TMEM163: variants seen among roughly 807,000 people sequenced by gnomAD.
TMEM163 encodes the protein transmembrane protein 163.
Under a neutral mutation model 29.3 loss-of-function variants are expected in TMEM163, and 17 were observed. The ratio of observed to expected loss-of-function variants is 0.58; its 90% CI spans 0.40 to 0.87. The LOEUF is 0.87. Among genes scored for constraint, TMEM163 ranks in the 40% least tolerant of loss-of-function variants. TMEM163 has a pLI of 0.00. For synonymous variants in TMEM163, 157 were observed against 160.6 expected (o/e 0.98, Z 0.17); for missense variants, 303 against 381.5 (o/e 0.79, Z 1.71).
At chr2:134,516,344 C>T (rs1244918705) in intron 4 of TMEM163, among the ~76,000 whole-genome samples, 2 of 151,906 alleles carry the variant, frequency 1.3e-5, no homozygotes, top group East Asian at 1.9e-4. Flanking sequence ...GCAGATCACT[C>T]GTGGTCAGGA....
chr2:134,703,375 G>A (rs1361899357), intron 2 of TMEM163, among the ~76,000 whole-genome samples: 1 of 152,028 alleles, frequency 6.6e-6, no homozygotes, highest in Non-Finnish European at 1.5e-5. Flanking sequence ...AGAAGCTGAG[G>A]TTAGAAAAGA....
chr2:134,693,827 A>C (rs1051554341), intron 2 of TMEM163, among the ~76,000 whole-genome samples: 3 of 152,096 alleles, frequency 2.0e-5, no homozygotes, highest in Non-Finnish European at 2.9e-5. Flanking sequence ...GTTGGCCAGG[A>C]GAGTGGGTTT....
At chr2:134,544,661 G>A (rs1403034507) in intron 4 of TMEM163, among the ~76,000 whole-genome samples, 1 of 152,136 alleles carries the variant, frequency 6.6e-6, no homozygotes, top group African/African-American at 2.4e-5. Flanking sequence ...CGGGTGTAGT[G>A]GCACATGCCT....
chr2:134,709,189 C>T (rs941530291), intron 2 of TMEM163, among the ~76,000 whole-genome samples: 1 of 152,068 alleles, frequency 6.6e-6, no homozygotes. Flanking sequence ...TTTTTTTCCA[C>T]ATTTGTTCAT....
Position 134,458,439 on chromosome 2 carries a change from G to A in TMEM163, c.668-266C>T. 6.5e-6 allele frequency: 3 copies of A among 461,724 alleles called. No homozygotes were observed. The East Asian group carries it at 1.2e-4, about 18-fold the overall frequency. The allele number at this position is 461,724 out of a possible 1,614,324, so 28.6% of individuals were successfully genotyped here. The stretch of plus-strand genomic sequence containing the variant: ...GAACTGACGCCATATGTGGTTTATA[G>A]CTGGTCTCGCCCGTGCCCGCTAGAA... On this transcript the variant is annotated intron_variant, in intron 6 of 7. Coordinates refer to ENST00000281924, the MANE Select transcript of TMEM163 (RefSeq NM_030923.5).
intron 2 of TMEM163, among the ~76,000 whole-genome samples, chr2:134,568,452 G>A (rs1011178882): frequency 4.6e-5 from 7 of 151,926 alleles, no homozygotes; most frequent in Admixed American, 2.0e-4. Context: ...GCTTGAACCC[G>A]GGAGGTGGAG....
intron 4 of TMEM163, among the ~76,000 whole-genome samples, chr2:134,534,877 A>C (rs1260845280): frequency 6.6e-6 from 1 of 152,216 alleles, no homozygotes; most frequent in Admixed American, 6.5e-5. Flanking sequence ...TGAATCCTTG[A>C]GGAAGAAGAG....
chr2:134,559,589 G>T (rs1423194421), intron 2 of TMEM163, among the ~76,000 whole-genome samples: 2 of 152,114 alleles, frequency 1.3e-5, no homozygotes, highest in African/African-American at 4.8e-5. Context: ...TGTTAGGAAA[G>T]CAAGTGTTTG....
At chr2:134,496,235 T>C (rs1413957277) in intron 5 of TMEM163, among the ~76,000 whole-genome samples, 1 of 152,054 alleles carries the variant, frequency 6.6e-6, no homozygotes, top group Non-Finnish European at 1.5e-5. Flanking sequence ...CTAATTTTTG[T>C]ATTTTTAGTA....
At chr2:134,688,112 C>T (rs780294291) in intron 2 of TMEM163, among the ~76,000 whole-genome samples, 5 of 152,172 alleles carry the variant, frequency 3.3e-5, no homozygotes, top group Admixed American at 1.3e-4. Context: ...CTCCCCACTG[C>T]GCACCAGACA....
At chr2:134,496,197 G>A (rs1679555460) in intron 5 of TMEM163, among the ~76,000 whole-genome samples, 2 of 152,020 alleles carry the variant, frequency 1.3e-5, no homozygotes. Flanking sequence ...AAGTAGCTGG[G>A]ATTACAGGTG....
chr2:134,517,638 A>G (rs954434204), intron 4 of TMEM163, among the ~76,000 whole-genome samples: 7 of 152,064 alleles, frequency 4.6e-5, no homozygotes, highest in Non-Finnish European at 1.0e-4. Flanking sequence ...ATTAACTTGG[A>G]AAAAAAATGG....
At chr2:134,639,214 A>C (rs1288199743) in intron 2 of TMEM163, among the ~76,000 whole-genome samples, 1 of 152,252 alleles carries the variant, frequency 6.6e-6, no homozygotes, top group African/African-American at 2.4e-5. Context: ...GAAGGAGAGC[A>C]GTAAAATCAG....
At chr2:134,715,227 C>T (rs1178272568) in intron 1 of TMEM163, among the ~76,000 whole-genome samples, 1 of 152,108 alleles carries the variant, frequency 6.6e-6, no homozygotes, top group African/African-American at 2.4e-5. Context: ...TTTATTTTTC[C>T]ATCCAAAGTC....
chr2:134,542,224 T>A (rs941040485), intron 4 of TMEM163, among the ~76,000 whole-genome samples: 1 of 151,848 alleles, frequency 6.6e-6, no homozygotes, highest in African/African-American at 2.4e-5. Flanking sequence ...GGATAGAAAG[T>A]AAGTTATTCA....
chr2:134,489,286 A>G (rs2106481793), intron 5 of TMEM163, among the ~76,000 whole-genome samples: 1 of 152,276 alleles, frequency 6.6e-6, no homozygotes, highest in East Asian at 1.9e-4. Flanking sequence ...AAAAAGTTGC[A>G]GTGTGGGCCA....
intron 2 of TMEM163, among the ~76,000 whole-genome samples, chr2:134,610,244 A>T (rs1404515550): frequency 2.0e-5 from 3 of 152,222 alleles, no homozygotes; most frequent in Non-Finnish European, 2.9e-5. Context: ...CAGAGGGGAC[A>T]GAACCTATGG....
chr2:134,710,104 T>C (rs1053816060), intron 2 of TMEM163, among the ~76,000 whole-genome samples: 1 of 152,184 alleles, frequency 6.6e-6, no homozygotes, highest in African/African-American at 2.4e-5. Context: ...ATATTATGTC[T>C]CCCTAAAGAG....
chr2:134,604,287 G>A (rs1682301941), intron 2 of TMEM163, among the ~76,000 whole-genome samples: 3 of 152,058 alleles, frequency 2.0e-5, no homozygotes, highest in South Asian at 2.1e-4. Flanking sequence ...TGAGGGGGAC[G>A]GACTAAATTC....
Sources: allele counts gnomAD v4.1 joint callset (sites outside exome capture counted in the v4.1 genomes callset), GRCh38; gene constraint gnomAD v4.1.1; transcripts MANE v1.5; gene names NCBI Gene and HGNC (gene_info 2026-07-23, HGNC 2026-07-21).